The following CRIM1 variants were observed in gnomAD, a reference collection of about 807,000 sequenced individuals.
The protein encoded by CRIM1 is cysteine rich transmembrane BMP regulator 1, also known as cysteine-rich motor neuron 1 protein.
In CRIM1, 32 loss-of-function variants were observed where a neutral mutation model predicts 116.4. The observed-to-expected ratio is 0.27, with a 90% CI of 0.21 to 0.37. The LOEUF (loss-of-function observed/expected upper bound fraction) is 0.37. Among genes scored for constraint, CRIM1 ranks in the 10% least tolerant of loss-of-function variants. The pLI is 1.00. For synonymous variants in CRIM1, 590 were observed against 509.2 expected (o/e 1.16, Z -2.13); for missense variants, 1,331 against 1,354.8 (o/e 0.98, Z 0.28).
At chr2:36,424,047 G>C (rs1674271534) in intron 2 of CRIM1, among the ~76,000 whole-genome samples, 1 of 152,144 alleles carries the variant, frequency 6.6e-6, no homozygotes, top group African/African-American at 2.4e-5. Flanking sequence ...GGATATAATA[G>C]CTGATTTCCT....
rs547222644 is a variant in CRIM1 at position 36,360,367 on chromosome 2, T to A, written c.331+3744T>A. Among the ~76,000 whole-genome samples, 3 of 152,328 alleles carry A rather than the reference T, an allele frequency of 2.0e-5. No individual in the cohort carries two copies. The South Asian group carries it at 6.2e-4, about 32-fold the overall frequency. On this transcript the variant is annotated intron_variant, in intron 1 of 16. Transcript: ENST00000280527. ...CTAGATCAGATAAGCACCAATTTTT[T>A]TCTTGGTGACTATTTACTCAGTAGC...
At chr2:36,458,732 A>G (rs1677340095) in intron 4 of CRIM1, among the ~76,000 whole-genome samples, 1 of 152,098 alleles carries the variant, frequency 6.6e-6, no homozygotes, top group South Asian at 2.1e-4. Context: ...GGTGAGTGAG[A>G]AGAGGATGAG....
At chr2:36,531,662 A>C (rs1666129608) in intron 13 of CRIM1, 1 of 273,172 alleles carries the variant, frequency 3.7e-6, no homozygotes, top group Admixed American at 4.9e-5. Flanking sequence ...AAGATAATGA[A>C]GTTTAAACAG....
At chr2:36,440,296 AG>A (rs1675702313) in intron 2 of CRIM1, among the ~76,000 whole-genome samples, 1 of 152,232 alleles carries the variant, frequency 6.6e-6, no homozygotes, top group Non-Finnish European at 1.5e-5. Flanking sequence ...GTTTTACTTT[AG>A]GAAGACCAAT....
At chr2:36,501,558 A>G (rs1680996718) in intron 8 of CRIM1, among the ~76,000 whole-genome samples, 1 of 152,062 alleles carries the variant, frequency 6.6e-6, no homozygotes, top group South Asian at 2.1e-4. Flanking sequence ...ATCTCTACAA[A>G]AAAAAATACA....
chr2:36,376,620 T>C (rs3770949), intron 1 of CRIM1, among the ~76,000 whole-genome samples: 25,784 of 152,046 alleles, frequency 0.17, 2,292 homozygotes, highest in Non-Finnish European at 0.19. Flanking sequence ...CTGGATTTGT[T>C]TATGGATGGA....
intron 1 of CRIM1, among the ~76,000 whole-genome samples, chr2:36,375,366 T>C (rs926826390): frequency 2.6e-5 from 4 of 152,262 alleles, no homozygotes; most frequent in African/African-American, 9.6e-5. Flanking sequence ...ACTGGTTTCA[T>C]ATTCAGAAGG....
At chr2:36,437,116 C>T (rs1675373090) in intron 2 of CRIM1, among the ~76,000 whole-genome samples, 1 of 152,240 alleles carries the variant, frequency 6.6e-6, no homozygotes, top group Admixed American at 6.5e-5. Flanking sequence ...TGGCGCACGC[C>T]TGTCATCCCA....
intron 13 of CRIM1, among the ~76,000 whole-genome samples, chr2:36,534,930 G>C (rs1213171639): frequency 6.6e-6 from 1 of 152,102 alleles, no homozygotes; most frequent in Non-Finnish European, 1.5e-5. Flanking sequence ...AATATAATCA[G>C]TGATACTGCT....
At chr2:36,381,686 C>T (rs1670787155) in intron 1 of CRIM1, among the ~76,000 whole-genome samples, 1 of 152,200 alleles carries the variant, frequency 6.6e-6, no homozygotes, top group Non-Finnish European at 1.5e-5. Context: ...ACTCAGGAGG[C>T]TGAGGCAGGA....
rs570706572 is a variant in CRIM1, at chr2:36,470,499, C to G, written c.991+5844C>G. The stretch of plus-strand genomic sequence containing the variant: ...GCAGCTGATAACTTTAAGCTAAACC[C>G]CACGGCTGTTAAGAATTATGCTAAA... On this transcript the variant is annotated intron_variant, in intron 5 of 16. Coordinates refer to ENST00000280527, the MANE Select transcript of CRIM1 (RefSeq NM_016441.3). Among the ~76,000 whole-genome samples the G allele has an allele frequency of 7.2e-5, 11 of 152,282 alleles. No individual in the cohort carries two copies. The South Asian group carries it at 2.3e-3, about 32-fold the overall frequency.
chr2:36,453,710 G>C (rs1248950892), intron 4 of CRIM1, among the ~76,000 whole-genome samples: 4 of 152,224 alleles, frequency 2.6e-5, no homozygotes, highest in African/African-American at 9.6e-5. Context: ...AGGCAAATAT[G>C]TATAAGTCAT....
intron 1 of CRIM1, among the ~76,000 whole-genome samples, chr2:36,368,838 A>G (rs1447960701): frequency 1.3e-5 from 2 of 152,208 alleles, no homozygotes; most frequent in African/African-American, 2.4e-5. Flanking sequence ...TTGCTCCAGA[A>G]AATTTTTTTT....
At chr2:36,438,705 C>T (rs1340894911) in intron 2 of CRIM1, among the ~76,000 whole-genome samples, 1 of 152,182 alleles carries the variant, frequency 6.6e-6, no homozygotes, top group Non-Finnish European at 1.5e-5. Context: ...GTAGCTTTAA[C>T]AAAAACCACA....
chr2:36,384,253 A>G (rs1671002659), intron 1 of CRIM1, among the ~76,000 whole-genome samples: 3 of 152,242 alleles, frequency 2.0e-5, no homozygotes, highest in Admixed American at 2.0e-4. Context: ...TTGAGGCTGC[A>G]GTAGCCGGGG....
chr2:36,453,168 A>G (rs986703406), intron 4 of CRIM1, among the ~76,000 whole-genome samples: 5 of 152,254 alleles, frequency 3.3e-5, no homozygotes, highest in African/African-American at 1.2e-4. Context: ...TGTAGTTGCA[A>G]CAGTTTGCAG....
chr2:36,361,387 G>A (rs1669212491), intron 1 of CRIM1, among the ~76,000 whole-genome samples: 1 of 152,136 alleles, frequency 6.6e-6, no homozygotes, highest in African/African-American at 2.4e-5. Context: ...GGAGGTATTT[G>A]GTGACTTGGT....
rs200287178 is a variant in CRIM1, at chr2:36,414,500, T to TC, written c.505+17721dup. ...GCAAACAAGACAGATAAGGTTCTAG[T>TC]CCCCCCCCGAGCTTTCAGTCTTAAG... is the stretch of plus-strand genomic sequence containing the variant. On this transcript the variant is annotated intron_variant, in intron 2 of 16. Transcript: ENST00000280527. Among the ~76,000 whole-genome samples, 717 of 151,640 alleles carry TC rather than the reference T, an allele frequency of 4.7e-3. 3 individuals are homozygous for TC. Among genetic ancestry groups the TC allele is most frequent in the African/African-American group, 0.014 (584 of 41,318 alleles).
chr2:36,524,356 T>C lies in CRIM1; in HGVS notation c.2428+2043T>C, dbSNP rs192029198. On this transcript the variant is annotated intron_variant, in intron 13 of 16. Transcript: ENST00000280527. ...GACACTGCCTTTGGTGAGATCTAAA[T>C]GAAAGCTATAACTAAGCTATTCTTT... is the stretch of plus-strand genomic sequence containing the variant. 1.9e-4 allele frequency among the ~76,000 whole-genome samples: 29 copies of C among 152,316 alleles called. No individual in the cohort carries two copies. The East Asian group carries it at 5.6e-3, about 29-fold the overall frequency.
Sources: gnomAD v4.1 joint callset for allele counts (sites outside exome capture counted in the v4.1 genomes callset) on GRCh38, gnomAD v4.1.1 for gene constraint, MANE v1.5 for transcripts, NCBI Gene and HGNC (gene_info 2026-07-23, HGNC 2026-07-21) for gene names.